Variants in HAT1 observed in about 807,000 individuals in gnomAD.
HAT1 encodes histone acetyltransferase type B catalytic subunit.
In HAT1, 20 loss-of-function variants were observed where a neutral mutation model predicts 56.6. That is an observed-to-expected ratio of 0.35 (90% CI 0.25 to 0.51). The LOEUF (loss-of-function observed/expected upper bound fraction) is 0.51. Ranked by LOEUF, HAT1 falls within the 20% of genes least tolerant of loss-of-function variation. HAT1 has a pLI of 0.95. For synonymous variants in HAT1, 146 were observed against 165.5 expected (o/e 0.88, Z 0.91); for missense variants, 408 against 504.3 (o/e 0.81, Z 1.83).
chr2:171,951,585 AT>A (rs35551729), intron 3 of HAT1, among the ~76,000 whole-genome samples: 2,675 of 121,648 alleles, frequency 0.022, 83 homozygotes, highest in African/African-American at 0.067. Flanking sequence ...ACACCTGCCT[AT>A]TTTTTTTTTT....
chr2:171,952,904 G>A lies in HAT1; in HGVS notation c.212G>A (p.Gly71Asp), dbSNP rs1687343281. ...GDDETAFGYK[G>D]LKILLYYIAG... ...AGTGAAACTGCTTTTGGTTACAAGG[G>A]TCTAAAGATCCTGTTATACTATATT... The change falls in exon 4 of 11, where the codon GGT becomes GAT. Residue 71 changes from glycine to aspartate, a missense_variant. Transcript: ENST00000264108. The A allele has an allele frequency of 1.3e-6, 2 of 1,592,726 alleles. No homozygotes were observed. Among genetic ancestry groups the A allele is most frequent in the Non-Finnish European group, 8.6e-7 (1 of 1,165,088 alleles).
At chr2:171,924,781 A>T (rs1300563111) in intron 1 of HAT1, 1 of 152,160 alleles carries the variant, frequency 6.6e-6, no homozygotes, top group Non-Finnish European at 1.5e-5. Context: ...GAGACATTCC[A>T]TGCATTATCA....
At position 171,966,963 on chromosome 2, in the gene HAT1, G is replaced by GA. The variant is rs199969806; in HGVS notation, c.823+15dup. 1.7e-3 allele frequency: 1,863 copies of GA among 1,070,856 alleles called. 17 individuals carry two copies. The East Asian group carries it at 0.028, about 16-fold the overall frequency. The allele number at this position is 1,070,856 out of a possible 1,614,324, so 66.3% of individuals were successfully genotyped here. A position where few individuals can be genotyped will look rare whatever the true frequency, so the allele number is the denominator to read the frequency against. ...TTGATATTACAGGTATGTAAAATTTGATTTGTTACTGAAAGAGCCTTTCTA... is the reference window on the plus strand; with the variant it reads ...TTGATATTACAGGTATGTAAAATTTGAATTTGTTACTGAAAGAGCCTTTCTA... On this transcript the variant is annotated intron_variant, in intron 8 of 10. Transcript: ENST00000264108.
At chr2:171,925,752 G>A (rs925537034) in intron 2 of HAT1, 111 bp downstream of exon 2, 16 of 576,710 alleles carry the variant, frequency 2.8e-5, no homozygotes, top group Non-Finnish European at 5.0e-5. Context: ...TTATGCAAAT[G>A]TATGGTTTTC....
chr2:171,930,244 C>T (rs1686705378), intron 2 of HAT1, among the ~76,000 whole-genome samples: 1 of 152,196 alleles, frequency 6.6e-6, no homozygotes, highest in Admixed American at 6.5e-5. Flanking sequence ...GTGATCTCCA[C>T]TCACTGCAAC....
intron 3 of HAT1, among the ~76,000 whole-genome samples, chr2:171,949,710 G>A (rs1177220852): frequency 6.6e-6 from 1 of 151,930 alleles, no homozygotes; most frequent in African/African-American, 2.4e-5. Context: ...AGAGATGGGG[G>A]TCTTCCTATG....
intron 2 of HAT1, among the ~76,000 whole-genome samples, chr2:171,927,439 C>T (rs745548474): frequency 3.1e-4 from 47 of 152,072 alleles, no homozygotes; most frequent in Non-Finnish European, 5.3e-4. Context: ...CTGAGATCTG[C>T]GTATTTTTTT....
At chr2:171,937,439 G>A (rs547999806) in intron 2 of HAT1, among the ~76,000 whole-genome samples, 109 of 152,274 alleles carry the variant, frequency 7.2e-4, no homozygotes, top group African/African-American at 2.6e-3. Flanking sequence ...TGGTGGTACT[G>A]TTGCTGGTGA....
intron 4 of HAT1, among the ~76,000 whole-genome samples, chr2:171,963,716 C>T (rs936331941): frequency 2.0e-5 from 3 of 152,148 alleles, no homozygotes; most frequent in Non-Finnish European, 4.4e-5. Flanking sequence ...TTACAGCTAT[C>T]CCTCATTATG....
chr2:171,966,915 C>T lies in HAT1; in HGVS notation c.789C>T (p.Tyr263=), dbSNP rs1411114447. Residue 263 remains tyrosine, a synonymous_variant, in exon 8 of 11, where the codon TAC becomes TAT. Transcript: ENST00000264108. ...GAQLLETVHR[Y]YTEFPTVLDI... is the part of the protein sequence containing the mutation. ...AACTTCTTGAAACAGTTCATAGATA[C>T]TACACTGAATTTCCTACAGTTCTTG... 1.3e-6 allele frequency: 2 copies of T among 1,570,470 alleles called. No individual in the cohort carries two copies. The highest frequency in any genetic ancestry group is 1.7e-5 in the Admixed American group (1 of 59,522).
At chr2:171,936,825 T>G in intron 2 of HAT1, among the ~76,000 whole-genome samples, 1 of 152,192 alleles carries the variant, frequency 6.6e-6, no homozygotes, top group East Asian at 1.9e-4. Context: ...GAACACAGGA[T>G]TATGAATAAA....
At chr2:171,971,335 C>G (rs1687812459) in intron 8 of HAT1, among the ~76,000 whole-genome samples, 2 of 152,212 alleles carry the variant, frequency 1.3e-5, no homozygotes, top group Non-Finnish European at 1.5e-5. Context: ...GTGGACAGTT[C>G]AGTGGTTTTT....
intron 4 of HAT1, 133 bp from the exon 5 acceptor site, chr2:171,965,205 G>A (rs560526884): frequency 1.9e-5 from 11 of 591,776 alleles, no homozygotes; most frequent in South Asian, 4.6e-5. Flanking sequence ...TTTCCAATTC[G>A]CTGTGTGTTT....
At chr2:171,942,339 C>A (rs974184289) in intron 2 of HAT1, among the ~76,000 whole-genome samples, 5 of 151,930 alleles carry the variant, frequency 3.3e-5, no homozygotes, top group African/African-American at 1.2e-4. Flanking sequence ...AAAAATTATC[C>A]ATAATTCATC....
chr2:171,927,111 G>A (rs1394950106), intron 2 of HAT1, among the ~76,000 whole-genome samples: 2 of 152,206 alleles, frequency 1.3e-5, no homozygotes, highest in Admixed American at 1.3e-4. Context: ...GAGACAGAAA[G>A]TAGTGGTTGC....
chr2:171,931,083 G>C (rs1045254632), intron 2 of HAT1, among the ~76,000 whole-genome samples: 2 of 152,078 alleles, frequency 1.3e-5, no homozygotes, highest in Admixed American at 6.6e-5. Context: ...CCGATGATCC[G>C]GTCCATTATA....
At chr2:171,945,642 C>T (rs1198402512) in intron 2 of HAT1, among the ~76,000 whole-genome samples, 2 of 150,974 alleles carry the variant, frequency 1.3e-5, no homozygotes, top group Non-Finnish European at 3.0e-5. Flanking sequence ...TACAGGCATG[C>T]GCCACCATGG....
intron 3 of HAT1, among the ~76,000 whole-genome samples, chr2:171,950,883 C>T (rs1167323323): frequency 2.0e-5 from 3 of 152,062 alleles, no homozygotes; most frequent in Non-Finnish European, 4.4e-5. Context: ...GATCTCGGCT[C>T]ACTGCAAGCT....
At chr2:171,965,699 AT>A in intron 5 of HAT1, 87 bp from the exon 6 acceptor site, 1 of 1,296,864 alleles carries the variant, frequency 7.7e-7, no homozygotes, top group Non-Finnish European at 1.1e-6. Flanking sequence ...ACTTCTAAAC[AT>A]TTTCCCACAG....
Sources: gnomAD v4.1 joint callset for allele counts (sites outside exome capture counted in the v4.1 genomes callset) on GRCh38, gnomAD v4.1.1 for gene constraint, MANE v1.5 for transcripts, NCBI Gene and HGNC (gene_info 2026-07-23, HGNC 2026-07-21) for gene names.